ACSM6: variants seen among roughly 807,000 people sequenced by gnomAD.
ACSM6 encodes acyl-CoA synthetase medium chain family member 6.
ACSM6 carries 35 observed loss-of-function variants against 51.1 expected under a neutral mutation model. The ratio of observed to expected loss-of-function variants is 0.69; its 90% CI spans 0.52 to 0.91. The LOEUF (loss-of-function observed/expected upper bound fraction) is 0.91. Ranked by LOEUF, ACSM6 falls within the 40% of genes least tolerant of loss-of-function variation. The pLI is 0.00. For synonymous variants in ACSM6, 172 were observed against 207.3 expected (o/e 0.83, Z 1.46); for missense variants, 509 against 584.1 (o/e 0.87, Z 1.32).
At chr10:95,223,997 C>T (rs1466435031) in intron 9 of ACSM6, among the ~76,000 whole-genome samples, 1 of 152,086 alleles carries the variant, frequency 6.6e-6, no homozygotes, top group African/African-American at 2.4e-5. Context: ...AGTATTTCTA[C>T]ATAGTATCAA....
chr10:95,197,792 A>C (rs1281139695), intron 2 of ACSM6, among the ~76,000 whole-genome samples: 3 of 152,304 alleles, frequency 2.0e-5, no homozygotes, highest in African/African-American at 7.2e-5. Context: ...GGGCTGGGGG[A>C]CAGTCAGGTC....
chr10:95,214,795 C>T (rs595420), intron 7 of ACSM6, 57 bp from the exon 8 acceptor site: 821,731 of 1,519,820 alleles, frequency 0.54, 229,836 homozygotes, highest in Middle Eastern at 0.63. Flanking sequence ...TTCTAACAGA[C>T]CTGTTATTGG....
chr10:95,211,408 T>C (rs1279276691), intron 5 of ACSM6, among the ~76,000 whole-genome samples: 1 of 152,212 alleles, frequency 6.6e-6, no homozygotes, highest in Non-Finnish European at 1.5e-5. Flanking sequence ...AGACAAATGG[T>C]TGTGTGTTGT....
rs773409431 is a variant in ACSM6 at position 95,214,449 on chromosome 10, G to A, written c.996-403G>A. ...ATTTTGAGCCTAGTTTATAAAATTAGTGGCTCTCTTTCCACCTCCAGACTT... is the reference window on the plus strand; with the variant it reads ...ATTTTGAGCCTAGTTTATAAAATTAATGGCTCTCTTTCCACCTCCAGACTT... On this transcript the variant is annotated intron_variant, in intron 7 of 10. Transcript: ENST00000341686. Among the ~76,000 whole-genome samples, 5 of 152,202 alleles carry A rather than the reference G, an allele frequency of 3.3e-5. No individual in the cohort carries two copies. In the South Asian group the frequency reaches 8.3e-4, roughly 25 times the overall value.
At chr10:95,225,064 G>T (rs1021920383) in intron 9 of ACSM6, among the ~76,000 whole-genome samples, 2 of 152,184 alleles carry the variant, frequency 1.3e-5, no homozygotes, top group African/African-American at 4.8e-5. Flanking sequence ...GAGTCAGAAG[G>T]TGTCAGAGTG....
chr10:95,223,315 C>CTGAAAAAAA (rs1351034283), intron 9 of ACSM6, among the ~76,000 whole-genome samples: 2 of 152,054 alleles, frequency 1.3e-5, no homozygotes, highest in African/African-American at 4.8e-5. Flanking sequence ...ATTTTGGAGG[C>CTGAAAAAAA]TGTGTCTCAA....
intron 2 of ACSM6, among the ~76,000 whole-genome samples, chr10:95,196,766 A>G (rs367829781): frequency 4.6e-5 from 7 of 152,386 alleles, no homozygotes; most frequent in African/African-American, 1.7e-4. Flanking sequence ...TAGAAATAAT[A>G]TAATGTGGAA....
At chr10:95,215,209 C>A (rs536909351) in intron 8 of ACSM6, among the ~76,000 whole-genome samples, 1 of 152,186 alleles carries the variant, frequency 6.6e-6, no homozygotes, top group African/African-American at 2.4e-5. Context: ...CTAGTTTCCA[C>A]CTGACAATTC....
intron 8 of ACSM6, among the ~76,000 whole-genome samples, chr10:95,217,140 G>A (rs1316011157): frequency 6.6e-6 from 1 of 151,192 alleles, no homozygotes; most frequent in East Asian, 1.9e-4. Flanking sequence ...ACAAGGTCAA[G>A]AGATTGAGAC....
At chr10:95,225,944 A>C (rs688706) in intron 10 of ACSM6, 80,108 of 152,074 alleles carry the variant, frequency 0.53, 22,028 homozygotes, top group Middle Eastern at 0.66. Flanking sequence ...GTGTTAAAAA[A>C]TGCCTCACTT....
intron 2 of ACSM6, among the ~76,000 whole-genome samples, chr10:95,199,465 CA>C (rs1484713373): frequency 6.6e-6 from 1 of 151,028 alleles, no homozygotes; most frequent in Non-Finnish European, 1.5e-5. Context: ...TCTAAAACAC[CA>C]AAAGCAATGG....
intron 3 of ACSM6, among the ~76,000 whole-genome samples, chr10:95,206,302 T>G (rs2034838043): frequency 6.6e-6 from 1 of 152,230 alleles, no homozygotes; most frequent in Non-Finnish European, 1.5e-5. Flanking sequence ...GTTTTCAAGG[T>G]TCACCCATGT....
chr10:95,208,930 G>A (rs1262836134), intron 4 of ACSM6, among the ~76,000 whole-genome samples: 1 of 19,070 alleles, frequency 5.2e-5, no homozygotes, highest in Non-Finnish European at 1.1e-4. Context: ...GTCCAGGGAT[G>A]TTTAAAAAAA....
rs776587083 is a variant in ACSM6 at position 95,202,043 on chromosome 10, AC to A, written c.252del (p.Asp84GlufsTer8). On this transcript the variant is annotated frameshift_variant, in exon 3 of 11. Coordinates refer to ENST00000341686, the Ensembl canonical transcript of ACSM6. LOFTEE classifies it high-confidence loss of function. ...AAGGTTAGTGCCAAAGGAGAAGAGGACAAATGGAGCTTTGAAAGGATGACTC... is the reference window on the plus strand; with the variant it reads ...AAGGTTAGTGCCAAAGGAGAAGAGGAAAATGGAGCTTTGAAAGGATGACTC... 1.0e-4 allele frequency: 158 copies of A among 1,551,730 alleles called. No individual in the cohort carries two copies. Among genetic ancestry groups the A allele is most frequent in the Non-Finnish European group, 1.2e-4 (135 of 1,147,042 alleles).
intron 6 of ACSM6, among the ~76,000 whole-genome samples, chr10:95,212,578 C>A (rs1424191383): frequency 6.6e-6 from 1 of 152,174 alleles, no homozygotes; most frequent in Non-Finnish European, 1.5e-5. Flanking sequence ...AAGATCAAAA[C>A]AAGGCTTCTT....
intron 4 of ACSM6, among the ~76,000 whole-genome samples, chr10:95,208,418 C>T (rs1014370041): frequency 1.3e-5 from 2 of 152,100 alleles, no homozygotes; most frequent in Non-Finnish European, 2.9e-5. Flanking sequence ...CCAGACTTCA[C>T]CATATATATA....
At chr10:95,210,685 A>G in exon 5 of ACSM6, 1 of 1,613,998 alleles carries the variant, frequency 6.2e-7, no homozygotes, top group Non-Finnish European at 8.5e-7. Context: ...ATGAGGACCA[A>G]AAGCCAAGAT....
chr10:95,214,416 A>G (rs1330321707), intron 7 of ACSM6, among the ~76,000 whole-genome samples: 1 of 152,262 alleles, frequency 6.6e-6, no homozygotes, highest in Non-Finnish European at 1.5e-5. Context: ...AACTTATAAT[A>G]TCTAGAGATT....
At chr10:95,220,345 GAAGTCT>G (rs1302320935) in intron 9 of ACSM6, among the ~76,000 whole-genome samples, 1 of 152,168 alleles carries the variant, frequency 6.6e-6, no homozygotes, top group African/African-American at 2.4e-5. Context: ...ACTAAAGTGG[GAAGTCT>G]AAGCCACTAG....
Sources: allele counts gnomAD v4.1 joint callset (sites outside exome capture counted in the v4.1 genomes callset), GRCh38; gene constraint gnomAD v4.1.1; transcripts MANE v1.5; gene names NCBI Gene and HGNC (gene_info 2026-07-23, HGNC 2026-07-21).